Variants in ADGRB3 observed in about 807,000 individuals in gnomAD.
ADGRB3 encodes the protein brain-specific angiogenesis inhibitor 3.
In ADGRB3, 37 loss-of-function variants were observed where a neutral mutation model predicts 193.4. The observed-to-expected ratio is 0.19, with a 90% CI of 0.15 to 0.25. ADGRB3 has a LOEUF of 0.25. Ranked by LOEUF, ADGRB3 falls within the 10% of genes least tolerant of loss-of-function variation. The pLI is 1.00. For missense variants in ADGRB3, 1,637 were observed against 1,852.9 expected (o/e 0.88, Z 2.14); for synonymous variants, 690 against 644.2 (o/e 1.07, Z -1.08).
intron 3 of ADGRB3, among the ~76,000 whole-genome samples, chr6:68,769,556 G>A (rs1766575955): frequency 6.6e-6 from 1 of 152,098 alleles, no homozygotes; most frequent in South Asian, 2.1e-4. Context: ...GGGGTTAGGG[G>A]AGGGATAACA....
intron 8 of ADGRB3, among the ~76,000 whole-genome samples, chr6:68,967,045 G>A (rs1556754): frequency 0.75 from 114,692 of 152,120 alleles, 43,415 homozygotes; most frequent in Middle Eastern, 0.82. Flanking sequence ...CAGCTGTACC[G>A]TTTGACATTA....
At chr6:68,845,508 A>G (rs1447078268) in intron 3 of ADGRB3, among the ~76,000 whole-genome samples, 1 of 152,138 alleles carries the variant, frequency 6.6e-6, no homozygotes, top group Non-Finnish European at 1.5e-5. Context: ...CTGAACTTGA[A>G]TTGTATCTCC....
At chr6:69,046,006 C>A (rs1337271722) in intron 13 of ADGRB3, among the ~76,000 whole-genome samples, 4 of 152,036 alleles carry the variant, frequency 2.6e-5, no homozygotes, top group African/African-American at 9.7e-5. Context: ...CATGCATGTA[C>A]AACTATATCA....
rs78059903 is a variant in ADGRB3, at chr6:69,320,476, T to C, written c.2815-4396T>C. Among the ~76,000 whole-genome samples, 1,053 of 151,682 alleles carry C rather than the reference T, an allele frequency of 6.9e-3. 13 individuals carry two copies. Among genetic ancestry groups the C allele is most frequent in the African/African-American group, 0.024 (985 of 41,494 alleles). On this transcript the variant is annotated intron_variant, in intron 20 of 31. Coordinates refer to ENST00000370598, the MANE Select transcript of ADGRB3 (RefSeq NM_001704.3). ...ATCTTATTCCCTCCTCTTGGACTTC[T>C]TATTGTTAGTGGTTTATATTGTCTA...
At chr6:69,215,092 C>CTG (rs1394250866) in intron 17 of ADGRB3, among the ~76,000 whole-genome samples, 1 of 152,024 alleles carries the variant, frequency 6.6e-6, no homozygotes, top group African/African-American at 2.4e-5. Flanking sequence ...AAGACAAAGA[C>CTG]TGAGAACTGT....
At chr6:68,833,727 T>A (rs1767997295) in intron 3 of ADGRB3, among the ~76,000 whole-genome samples, 1 of 151,994 alleles carries the variant, frequency 6.6e-6, no homozygotes, top group South Asian at 2.1e-4. Context: ...AGTTGCTATT[T>A]TCTTAACAAT....
At chr6:69,360,065 A>G (rs1769420038) in intron 28 of ADGRB3, among the ~76,000 whole-genome samples, 1 of 151,680 alleles carries the variant, frequency 6.6e-6, no homozygotes. Context: ...TTTGGTTTGC[A>G]TTTTTGTTTT....
chr6:69,365,380 A>G (rs1271445926), intron 29 of ADGRB3, among the ~76,000 whole-genome samples: 2 of 152,034 alleles, frequency 1.3e-5, no homozygotes, highest in African/African-American at 4.8e-5. Flanking sequence ...TCTGGGCTTA[A>G]ATCACTCTGC....
intron 20 of ADGRB3, among the ~76,000 whole-genome samples, chr6:69,287,790 G>C (rs946189717): frequency 5.9e-5 from 9 of 152,182 alleles, no homozygotes; most frequent in Non-Finnish European, 1.2e-4. Context: ...TGGAAGAAAA[G>C]TGACTTACGT....
chr6:69,357,836 C>T (rs2127329960), intron 28 of ADGRB3, among the ~76,000 whole-genome samples: 1 of 152,004 alleles, frequency 6.6e-6, no homozygotes, highest in Middle Eastern at 3.4e-3. Flanking sequence ...GATGCAGTCT[C>T]ACTAGTGCTT....
chr6:68,749,912 T>C (rs1766163106), intron 3 of ADGRB3, among the ~76,000 whole-genome samples: 1 of 152,172 alleles, frequency 6.6e-6, no homozygotes, highest in Non-Finnish European at 1.5e-5. Flanking sequence ...ATTACATTGT[T>C]TATAACAAAT....
chr6:69,334,508 C>G (rs1768799927), intron 24 of ADGRB3, among the ~76,000 whole-genome samples: 1 of 152,184 alleles, frequency 6.6e-6, no homozygotes, highest in South Asian at 2.1e-4. Context: ...GCTTTTTTCA[C>G]TGCAGACAAG....
At chr6:68,771,137 T>C (rs1766609045) in intron 3 of ADGRB3, among the ~76,000 whole-genome samples, 1 of 152,118 alleles carries the variant, frequency 6.6e-6, no homozygotes, top group African/African-American at 2.4e-5. Context: ...TAATATTTAA[T>C]TTTAAATTTT....
intron 26 of ADGRB3, among the ~76,000 whole-genome samples, chr6:69,347,939 C>T (rs1235688030): frequency 6.6e-6 from 1 of 152,184 alleles, no homozygotes; most frequent in Non-Finnish European, 1.5e-5. Context: ...ACAATATGCT[C>T]ATATTCTTAT....
At chr6:69,316,904 A>G (rs1768324493) in intron 20 of ADGRB3, among the ~76,000 whole-genome samples, 1 of 151,526 alleles carries the variant, frequency 6.6e-6, no homozygotes, top group Non-Finnish European at 1.5e-5. Context: ...AGAAACTTAA[A>G]CAGATTCGTA....
intron 3 of ADGRB3, among the ~76,000 whole-genome samples, chr6:68,696,273 A>G (rs968333334): frequency 6.6e-6 from 1 of 152,028 alleles, no homozygotes; most frequent in African/African-American, 2.4e-5. Flanking sequence ...GGAAATTAAA[A>G]GCTGAATGTA....
intron 3 of ADGRB3, among the ~76,000 whole-genome samples, chr6:68,811,977 T>G (rs953418032): frequency 3.9e-5 from 6 of 152,216 alleles, no homozygotes; most frequent in Non-Finnish European, 8.8e-5. Flanking sequence ...CACAGAGTTT[T>G]TAGTTGTAGT....
intron 17 of ADGRB3, among the ~76,000 whole-genome samples, chr6:69,176,314 G>T (rs946873366): frequency 6.6e-6 from 1 of 152,092 alleles, no homozygotes; most frequent in Non-Finnish European, 1.5e-5. Flanking sequence ...ATGTTCCTAT[G>T]ATGTCTAGTT....
intron 17 of ADGRB3, among the ~76,000 whole-genome samples, chr6:69,160,268 A>C (rs897861424): frequency 6.6e-6 from 1 of 152,064 alleles, no homozygotes; most frequent in Non-Finnish European, 1.5e-5. Flanking sequence ...CATTCCTTAC[A>C]GTGGATTACA....
Sources: gnomAD v4.1 joint callset for allele counts (sites outside exome capture counted in the v4.1 genomes callset) on GRCh38, gnomAD v4.1.1 for gene constraint, MANE v1.5 for transcripts, NCBI Gene and HGNC (gene_info 2026-07-23, HGNC 2026-07-21) for gene names.